Variants in AUTS2 observed in about 807,000 individuals in gnomAD.
AUTS2 encodes activator of transcription and developmental regulator AUTS2, also known as autism susceptibility gene 2 protein.
A neutral mutation model predicts 112.4 loss-of-function variants in AUTS2; 17 were observed. That is an observed-to-expected ratio of 0.15 (90% CI 0.10 to 0.23). The LOEUF is 0.23. Ranked by LOEUF, AUTS2 falls within the 10% of genes least tolerant of loss-of-function variation. AUTS2 has a pLI of 1.00. For synonymous variants in AUTS2, 751 were observed against 702.7 expected (o/e 1.07, Z -1.09); for missense variants, 1,510 against 1,701.6 (o/e 0.89, Z 1.98).
At chr7:70,035,038 G>A (rs922874333) in intron 2 of AUTS2, among the ~76,000 whole-genome samples, 1 of 152,060 alleles carries the variant, frequency 6.6e-6, no homozygotes, top group Non-Finnish European at 1.5e-5. Flanking sequence ...TTGACATTGG[G>A]TTTGACATGT....
At chr7:69,730,184 A>G (rs1336337290) in intron 1 of AUTS2, among the ~76,000 whole-genome samples, 2 of 149,832 alleles carry the variant, frequency 1.3e-5, no homozygotes, top group Non-Finnish European at 3.0e-5. Flanking sequence ...ATTTTTTCCA[A>G]GTTTTTTCTT....
chr7:69,800,125 T>A (rs1402143618), intron 1 of AUTS2, among the ~76,000 whole-genome samples: 1 of 152,194 alleles, frequency 6.6e-6, no homozygotes, highest in Admixed American at 6.5e-5. Context: ...CCAGTGTAAG[T>A]CAGATAAATA....
chr7:70,386,455 C>A (rs945841184), intron 4 of AUTS2, among the ~76,000 whole-genome samples: 1 of 152,112 alleles, frequency 6.6e-6, no homozygotes. Context: ...GTAAATTGTA[C>A]AACCATCACC....
At chr7:70,044,543 T>A (rs1019088203) in intron 2 of AUTS2, among the ~76,000 whole-genome samples, 4 of 152,202 alleles carry the variant, frequency 2.6e-5, no homozygotes, top group Non-Finnish European at 4.4e-5. Context: ...ATGTTATTCC[T>A]ACTCTTAAGT....
intron 5 of AUTS2, among the ~76,000 whole-genome samples, chr7:70,471,336 G>A (rs1250242807): frequency 6.6e-6 from 1 of 152,102 alleles, no homozygotes; most frequent in Non-Finnish European, 1.5e-5. Flanking sequence ...GTAGAATGGG[G>A]GAAAGGGAAG....
intron 4 of AUTS2, among the ~76,000 whole-genome samples, chr7:70,395,337 G>C (rs964660075): frequency 1.2e-4 from 18 of 152,156 alleles, no homozygotes; most frequent in African/African-American, 4.3e-4. Flanking sequence ...CCAAGTTTCA[G>C]AGAGGTTATC....
rs1016226601 is a variant in AUTS2, at chr7:70,247,832, G to A, written c.660+113261G>A. Among the ~76,000 whole-genome samples the A allele has an allele frequency of 1.1e-4, 16 of 152,142 alleles. No individual in the cohort carries two copies. In the South Asian group the frequency reaches 2.3e-3, roughly 22 times the overall value. On this transcript the variant is annotated intron_variant, in intron 4 of 18. Coordinates refer to ENST00000342771, the MANE Select transcript of AUTS2 (RefSeq NM_015570.4). ...TTCTTGCCTTGATCTTAAAAGAAGC[G>A]CTTAGAATGTTTCCCATTAAATATG...
chr7:70,790,384 G>T lies in AUTS2; in HGVS notation c.3168G>T (p.Pro1056=). 2 of 1,613,812 alleles carry T rather than the reference G, an allele frequency of 1.2e-6. No homozygotes were observed. Among genetic ancestry groups the T allele is most frequent in the Non-Finnish European group, 1.7e-6 (2 of 1,179,970 alleles). ...CCTTCATGGGCATCAGCCCCCTCCC[G>T]GGCGGAGAGCGCTTCCCGTACCCTT... ...MTPFMGISPL[P]GGERFPYPSF... Residue 1056 remains proline (P), a synonymous_variant, in exon 19 of 19, where the codon CCG becomes CCT. Transcript: ENST00000342771. The surrounding 1 kb of genome is among the most constrained non-coding windows in gnomAD (Gnocchi z 7.6).
chr7:70,733,588 G>C (rs1025908359), intron 6 of AUTS2, among the ~76,000 whole-genome samples: 3 of 125,912 alleles, frequency 2.4e-5, no homozygotes. Context: ...TTCTACGTTA[G>C]TTTTTTGGGT....
intron 1 of AUTS2, among the ~76,000 whole-genome samples, chr7:69,773,247 G>A (rs530982072): frequency 2.6e-5 from 4 of 152,170 alleles, no homozygotes; most frequent in South Asian, 2.1e-4. Flanking sequence ...GGCTGGGTGC[G>A]GTAGCTCACA....
At chr7:70,728,819 G>T (rs1047479237) in intron 6 of AUTS2, among the ~76,000 whole-genome samples, 29 of 151,822 alleles carry the variant, frequency 1.9e-4, no homozygotes, top group African/African-American at 6.3e-4. Context: ...TTCACATCTT[G>T]TATTTTTGTG....
chr7:70,731,921 G>A (rs947455027), intron 6 of AUTS2, among the ~76,000 whole-genome samples: 1 of 152,112 alleles, frequency 6.6e-6, no homozygotes. Flanking sequence ...TAAGGGTAAT[G>A]TCTTTCATAA....
At chr7:70,636,093 C>T (rs941937927) in intron 5 of AUTS2, among the ~76,000 whole-genome samples, 5 of 152,192 alleles carry the variant, frequency 3.3e-5, no homozygotes, top group African/African-American at 9.7e-5. Flanking sequence ...GGCAGGTCTT[C>T]AGACTCAAAT....
chr7:70,750,306 G>C (rs910676288), intron 6 of AUTS2, among the ~76,000 whole-genome samples: 20 of 151,228 alleles, frequency 1.3e-4, no homozygotes, highest in African/African-American at 4.4e-4. Flanking sequence ...AAAAAGCCTA[G>C]GATAAACTCG....
intron 1 of AUTS2, among the ~76,000 whole-genome samples, chr7:69,860,765 G>C (rs973646896): frequency 6.6e-6 from 1 of 152,168 alleles, no homozygotes; most frequent in East Asian, 1.9e-4. Flanking sequence ...TAGGATGCCA[G>C]GTCCCACAGG....
intron 4 of AUTS2, among the ~76,000 whole-genome samples, chr7:70,151,844 C>T (rs1024003849): frequency 1.3e-5 from 2 of 152,122 alleles, no homozygotes; most frequent in African/African-American, 2.4e-5. Flanking sequence ...CATTCAATTA[C>T]GAATTACCAG....
intron 1 of AUTS2, among the ~76,000 whole-genome samples, chr7:69,883,743 C>A (rs968399529): frequency 6.6e-6 from 1 of 152,178 alleles, no homozygotes; most frequent in Non-Finnish European, 1.5e-5. Context: ...ATGCACACAC[C>A]CTCCCAACCT....
At chr7:70,651,919 C>G (rs976013336) in intron 5 of AUTS2, among the ~76,000 whole-genome samples, 7 of 152,308 alleles carry the variant, frequency 4.6e-5, no homozygotes, top group Admixed American at 1.3e-4. Context: ...ACATTGAACA[C>G]CAAAGGCCCT....
chr7:70,160,435 T>C (rs942102247), intron 4 of AUTS2, among the ~76,000 whole-genome samples: 2 of 152,212 alleles, frequency 1.3e-5, no homozygotes, highest in African/African-American at 4.8e-5. Flanking sequence ...TTTCACCTAC[T>C]TGAAGGCCCA....
Sources: gnomAD v4.1 joint callset for allele counts (sites outside exome capture counted in the v4.1 genomes callset) on GRCh38, gnomAD v4.1.1 for gene constraint, Gnocchi (gnomAD v3.1) non-coding constraint, MANE v1.5 for transcripts, NCBI Gene and HGNC (gene_info 2026-07-23, HGNC 2026-07-21) for gene names.